The following PPFIA2 variants were observed in gnomAD, a reference collection of about 807,000 sequenced individuals.
The protein encoded by PPFIA2 is PPFI scaffold protein A2, also known as liprin-alpha-2.
A neutral mutation model predicts 175.5 loss-of-function variants in PPFIA2; 46 were observed. That is an observed-to-expected ratio of 0.26 (90% CI 0.21 to 0.34). The LOEUF (loss-of-function observed/expected upper bound fraction) is 0.34. Among genes scored for constraint, PPFIA2 ranks in the 10% least tolerant of loss-of-function variants. The pLI is 1.00. For synonymous variants in PPFIA2, 568 were observed against 511.4 expected, an observed-to-expected ratio of 1.11 and a Z score of -1.49; for missense variants, 1,179 against 1,506.1, an observed-to-expected ratio of 0.78 and a Z score of 3.60.
intron 3 of PPFIA2, among the ~76,000 whole-genome samples, chr12:81,750,579 T>C (rs948380123): frequency 6.6e-6 from 1 of 152,124 alleles, no homozygotes. Context: ...AGTTAGATAA[T>C]TGAGGGCATA....
At chr12:81,493,754 C>CTATATATATATATATATA in intron 4 of PPFIA2, among the ~76,000 whole-genome samples, 1 of 102,104 alleles carries the variant, frequency 9.8e-6, no homozygotes, top group Non-Finnish European at 1.9e-5. Flanking sequence ...GTGTGTGTGT[C>CTATATATATATATATATA]TATATATATA....
intron 5 of PPFIA2, among the ~76,000 whole-genome samples, chr12:81,452,555 T>C (rs2052784024): frequency 6.6e-6 from 1 of 152,250 alleles, no homozygotes; most frequent in African/African-American, 2.4e-5. Flanking sequence ...ACTCTTGTAC[T>C]GATCATATCC....
Position 81,728,998 on chromosome 12 carries a change from C to T in PPFIA2, c.249+24975G>A, listed in dbSNP as rs190871341. Among the ~76,000 whole-genome samples, 111 of 151,422 alleles carry T rather than the reference C, an allele frequency of 7.3e-4. 1 individual carries two copies. Among genetic ancestry groups the T allele is most frequent in the African/African-American group, 2.0e-3 (83 of 41,402 alleles). On this transcript the variant is annotated intron_variant, in intron 3 of 32. Transcript: ENST00000549396. Reference sequence around the variant, plus strand: ...AAACCACATATTTATACCAAAAGAACGTACAATTATGGGCTACATATATGT... The same window carrying T: ...AAACCACATATTTATACCAAAAGAATGTACAATTATGGGCTACATATATGT...
chr12:81,358,044 A>G (rs749971293), intron 16 of PPFIA2, 38 bp downstream of exon 16: 3 of 1,500,286 alleles, frequency 2.0e-6, no homozygotes, highest in Non-Finnish European at 2.7e-6. Context: ...CTATGTATTT[A>G]AATAAAACTA....
At chr12:81,682,073 T>C (rs758799794) in intron 3 of PPFIA2, among the ~76,000 whole-genome samples, 2 of 152,116 alleles carry the variant, frequency 1.3e-5, no homozygotes, top group Non-Finnish European at 2.9e-5. Context: ...TGCATTGTTA[T>C]GGGTTAAATT....
intron 5 of PPFIA2, among the ~76,000 whole-genome samples, chr12:81,450,636 T>G (rs2052371514): frequency 6.6e-6 from 1 of 152,188 alleles, no homozygotes; most frequent in Non-Finnish European, 1.5e-5. Flanking sequence ...AGAAGCTCTT[T>G]AGTTTAATTA....
intron 3 of PPFIA2, among the ~76,000 whole-genome samples, chr12:81,696,581 A>G (rs1051405821): frequency 6.6e-6 from 1 of 152,144 alleles, no homozygotes; most frequent in Non-Finnish European, 1.5e-5. Flanking sequence ...AAATCTGACA[A>G]TATTTTTACA....
rs540951444 is a variant in PPFIA2, at chr12:81,676,843, T to C, written c.251A>G (p.Asp84Gly). Residue 84 changes from aspartate (D) to glycine (G), a missense_variant and splice_region_variant, in exon 4 of 33, where the codon GAT becomes GGT. Transcript: ENST00000549396. Reference sequence around the variant, plus strand: ...CAGCCCTCCTGTTAGGGATTCGATATCCTGAAAAGGGGAGAGGTGTTGATT... The same window carrying C: ...CAGCCCTCCTGTTAGGGATTCGATACCCTGAAAAGGGGAGAGGTGTTGATT... Reference protein sequence around the residue: ...QRQLNSALPQDIESLTGGLAG... With the variant: ...QRQLNSALPQGIESLTGGLAG... 36 of 1,575,574 alleles carry C rather than the reference T, an allele frequency of 2.3e-5. No homozygotes were observed. In the South Asian group the frequency reaches 3.9e-4, roughly 17 times the overall value.
chr12:81,533,374 T>A (rs2064873262), intron 4 of PPFIA2, among the ~76,000 whole-genome samples: 1 of 151,686 alleles, frequency 6.6e-6, no homozygotes, highest in Non-Finnish European at 1.5e-5. Flanking sequence ...AAATAGTTTG[T>A]ATATTCAATG....
intron 4 of PPFIA2, among the ~76,000 whole-genome samples, chr12:81,499,083 A>G (rs1272028531): frequency 6.6e-6 from 1 of 152,250 alleles, no homozygotes; most frequent in Non-Finnish European, 1.5e-5. Context: ...GGGTGCTGCA[A>G]GAATGTCAAT....
rs1250662101 is a variant in PPFIA2 at position 81,341,157 on chromosome 12, C to T, written c.2314G>A (p.Glu772Lys). ...CTAGGGGTAGGAGGAGGAGAAGTTT[C>T]ACATTTAATTGTTGCTTTGTCCTCT... ...GREDKATIKCETSPPPTPRAL... is the reference protein window; with the variant it reads ...GREDKATIKCKTSPPPTPRAL... Residue 772 changes from glutamate to lysine, a missense_variant, in exon 20 of 33, where the codon GAA becomes AAA. Physicochemically the swap from Glu to Lys is moderately conservative, Grantham distance 56 (BLOSUM62 1). This residue lies in a region of PPFIA2 where 223 missense variants were observed against 241.6 expected (regional missense o/e 0.92). Coordinates refer to ENST00000549396, the MANE Select transcript of PPFIA2 (RefSeq NM_003625.5). The T allele has an allele frequency of 6.2e-7, 1 of 1,612,126 alleles. No individual in the cohort carries two copies. Among genetic ancestry groups the T allele is most frequent in the Non-Finnish European group, 8.5e-7 (1 of 1,178,674 alleles).
intron 6 of PPFIA2, among the ~76,000 whole-genome samples, chr12:81,443,579 T>C (rs2050634492): frequency 1.3e-5 from 2 of 152,182 alleles, no homozygotes; most frequent in Admixed American, 1.3e-4. Context: ...TCTTAAATGC[T>C]GTTTATTACC....
At chr12:81,313,138 G>A (rs1037819784) in intron 22 of PPFIA2, among the ~76,000 whole-genome samples, 2 of 152,082 alleles carry the variant, frequency 1.3e-5, no homozygotes, top group African/African-American at 4.8e-5. Context: ...CTCCCTGGAT[G>A]TAGTAGAGGC....
chr12:81,653,331 T>C (rs1297408320), intron 4 of PPFIA2, among the ~76,000 whole-genome samples: 1 of 152,166 alleles, frequency 6.6e-6, no homozygotes, highest in Non-Finnish European at 1.5e-5. Context: ...TTTAGCTCAC[T>C]ACATTTCTGT....
At chr12:81,552,646 CA>C (rs34664559) in intron 4 of PPFIA2, among the ~76,000 whole-genome samples, 11 of 151,712 alleles carry the variant, frequency 7.3e-5, no homozygotes, top group Non-Finnish European at 1.0e-4. Flanking sequence ...GTTTAAATAT[CA>C]AAAATTCATG....
intron 6 of PPFIA2, among the ~76,000 whole-genome samples, chr12:81,440,307 G>A (rs1226200434): frequency 6.6e-6 from 1 of 152,090 alleles, no homozygotes; most frequent in Non-Finnish European, 1.5e-5. Flanking sequence ...GTTGGAGATT[G>A]ACTTGTCTTG....
rs775184736 is a variant in PPFIA2 at position 81,365,312 on chromosome 12, G to C, written c.1545+1796C>G. On this transcript the variant is annotated intron_variant, in intron 14 of 32. Transcript: ENST00000549396. ...TTATAGAAGATGTGGTCAGATTAGT[G>C]AATGTGCCCATCTAAATGGGATGAT... Among the ~76,000 whole-genome samples the C allele has an allele frequency of 2.7e-3, 414 of 151,808 alleles. 4 individuals are homozygous for C. Among genetic ancestry groups the C allele is most frequent in the Non-Finnish European group, 3.1e-3 (212 of 67,856 alleles).
At chr12:81,396,667 T>C (rs951081396) in intron 8 of PPFIA2, among the ~76,000 whole-genome samples, 8 of 152,104 alleles carry the variant, frequency 5.3e-5, no homozygotes, top group Non-Finnish European at 7.4e-5. Flanking sequence ...ATGCACCATA[T>C]AAATATGCAT....
intron 4 of PPFIA2, among the ~76,000 whole-genome samples, chr12:81,486,641 A>G (rs530524111): frequency 6.6e-6 from 1 of 151,988 alleles, no homozygotes; most frequent in South Asian, 2.1e-4. Flanking sequence ...GCTTGTCATT[A>G]CATCCTAAAA....
Sources: gnomAD v4.1 joint callset for allele counts (sites outside exome capture counted in the v4.1 genomes callset) on GRCh38, gnomAD v4.1.1 for gene constraint, gnomAD v4.1.1 regional missense constraint, MANE v1.5 for transcripts, NCBI Gene and HGNC (gene_info 2026-07-23, HGNC 2026-07-21) for gene names.